PHF24: variants seen among roughly 807,000 people sequenced by gnomAD.
The protein encoded by PHF24 is Galpha inhibitory interacting protein.
In PHF24, 25 loss-of-function variants were observed where a neutral mutation model predicts 42.6. The observed-to-expected ratio is 0.59, with a 90% confidence interval of 0.43 to 0.82. PHF24 has a LOEUF of 0.82. Ranked by LOEUF, PHF24 falls within the 40% of genes least tolerant of loss-of-function variation. The pLI, the probability that PHF24 is intolerant of heterozygous loss-of-function variation, is 0.00. For synonymous variants in PHF24, 185 were observed against 204.8 expected, an observed-to-expected ratio of 0.90 and a Z score of 0.83; for missense variants, 470 against 538.1, an observed-to-expected ratio of 0.87 and a Z score of 1.25.
the PHF24 span, among the ~76,000 whole-genome samples, chr9:34,884,185 G>A: frequency 6.6e-6 from 1 of 152,138 alleles, no homozygotes; most frequent in Admixed American, 6.6e-5. Flanking sequence ...TGGATACAGG[G>A]TGGGGAACAT....
the PHF24 span, among the ~76,000 whole-genome samples, chr9:34,875,004 C>A: frequency 1.3e-5 from 2 of 152,056 alleles, no homozygotes; most frequent in Admixed American, 1.3e-4. Context: ...TTAAAATATA[C>A]AATTATTACT....
the PHF24 span, chr9:34,724,775 G>T: frequency 1.3e-6 from 2 of 1,551,692 alleles, no homozygotes; most frequent in Non-Finnish European, 1.7e-6. Flanking sequence ...CAGAGGCTCT[G>T]CTGGGATTTC....
the PHF24 span, chr9:34,681,293 A>C: frequency 3.3e-5 from 5 of 152,230 alleles, no homozygotes; most frequent in African/African-American, 9.6e-5. Context: ...AGCATTACCT[A>C]GCCTATTCTG....
At chr9:34,826,407 G>A in the PHF24 span, among the ~76,000 whole-genome samples, 3 of 152,206 alleles carry the variant, frequency 2.0e-5, no homozygotes, top group African/African-American at 7.2e-5. Context: ...GGCTCCAGAG[G>A]CCAGGTAGAG....
chr9:34,921,838 C>A, the PHF24 span, among the ~76,000 whole-genome samples: 3 of 152,196 alleles, frequency 2.0e-5, no homozygotes, highest in Non-Finnish European at 4.4e-5. Context: ...CCAGGACAAA[C>A]CAATATGTAG....
At chr9:34,920,837 G>A in the PHF24 span, among the ~76,000 whole-genome samples, 1 of 152,046 alleles carries the variant, frequency 6.6e-6, no homozygotes, top group Non-Finnish European at 1.5e-5. Flanking sequence ...ACTGATTTTT[G>A]TATGTTGATT....
chr9:34,725,113 T>C, the PHF24 span: 5 of 1,551,000 alleles, frequency 3.2e-6, no homozygotes, highest in South Asian at 6.0e-5. Context: ...AAGGAGCCAC[T>C]GCCAGGACCC....
intron 1 of PHF24, among the ~76,000 whole-genome samples, chr9:34,963,897 T>C (rs1325651580): frequency 6.6e-6 from 1 of 152,208 alleles, no homozygotes; most frequent in Admixed American, 6.5e-5. Flanking sequence ...TCTGGCCAAT[T>C]TGATAAAGAG....
At chr9:34,847,415 G>A in the PHF24 span, among the ~76,000 whole-genome samples, 2 of 152,112 alleles carry the variant, frequency 1.3e-5, no homozygotes, top group African/African-American at 2.4e-5. Flanking sequence ...TGTTATTGGT[G>A]TATAAGAATG....
At chr9:34,895,691 A>G in the PHF24 span, 4 of 404,834 alleles carry the variant, frequency 9.9e-6, no homozygotes, top group African/African-American at 2.1e-5. Flanking sequence ...GGGATATCCA[A>G]CATCCCACAA....
the PHF24 span, among the ~76,000 whole-genome samples, chr9:34,732,910 A>G: frequency 2.6e-5 from 4 of 152,326 alleles, no homozygotes; most frequent in African/African-American, 9.6e-5. Context: ...GTAAAACTAT[A>G]ACATGACTTA....
the PHF24 span, among the ~76,000 whole-genome samples, chr9:34,884,235 G>A: frequency 6.6e-6 from 1 of 152,122 alleles, no homozygotes. Flanking sequence ...GGAGTGGGGA[G>A]GGATAGCATT....
At chr9:34,950,620 T>C in the PHF24 span, among the ~76,000 whole-genome samples, 1 of 152,142 alleles carries the variant, frequency 6.6e-6, no homozygotes, top group Non-Finnish European at 1.5e-5. Flanking sequence ...ATAGTGGTGA[T>C]GATTGCACAA....
the PHF24 span, chr9:34,833,992 A>G: frequency 3.6e-5 from 56 of 1,548,172 alleles, no homozygotes; most frequent in Non-Finnish European, 4.8e-5. Context: ...CCAGTTTCTC[A>G]ATGGCTTCCA....
At chr9:34,832,987 A>C in the PHF24 span, 3 of 1,551,572 alleles carry the variant, frequency 1.9e-6, no homozygotes, top group African/African-American at 4.1e-5. Context: ...AGGGATCAGC[A>C]AGATGAAAGC....
At chr9:34,937,041 C>CG in the PHF24 span, among the ~76,000 whole-genome samples, 49,737 of 128,092 alleles carry the variant, frequency 0.39, 14,771 homozygotes, top group Admixed American at 0.48. Context: ...TCAGCCCCCC[C>CG]CCCGGGCCAG....
At chr9:34,774,641 C>T in the PHF24 span, among the ~76,000 whole-genome samples, 33 of 152,104 alleles carry the variant, frequency 2.2e-4, no homozygotes, top group Admixed American at 7.2e-4. Flanking sequence ...GGAGCGGTGG[C>T]GGGCACCTGT....
the PHF24 span, among the ~76,000 whole-genome samples, chr9:34,786,010 G>A: frequency 2.0e-5 from 3 of 152,268 alleles, no homozygotes; most frequent in East Asian, 5.8e-4. Flanking sequence ...TGAGCTCTAA[G>A]AATTCTGGGA....
the PHF24 span, among the ~76,000 whole-genome samples, chr9:34,942,730 C>T: frequency 7.2e-5 from 11 of 152,122 alleles, no homozygotes; most frequent in South Asian, 2.3e-3. Flanking sequence ...AACCATCATT[C>T]TGAGCAAACT....
Sources: allele counts gnomAD v4.1 joint callset (sites outside exome capture counted in the v4.1 genomes callset), GRCh38; gene constraint gnomAD v4.1.1; transcripts MANE v1.5; gene names NCBI Gene and HGNC (gene_info 2026-07-23, HGNC 2026-07-21).